Variants in TBC1D30 observed in about 807,000 individuals in gnomAD.
TBC1D30 encodes TBC1 domain family, member 30.
In TBC1D30, 31 loss-of-function variants were observed where a neutral mutation model predicts 63.2. The ratio of observed to expected loss-of-function variants is 0.49; its 90% CI spans 0.37 to 0.66. The LOEUF (loss-of-function observed/expected upper bound fraction) is 0.66, where lower values mean the gene tolerates loss of function less well. TBC1D30 is among the 30% of genes least tolerant of loss of function. The pLI is 0.00. For synonymous variants in TBC1D30, 307 were observed against 361.5 expected (o/e 0.85, Z 1.71); for missense variants, 810 against 953.6 (o/e 0.85, Z 1.98).
chr12:64,808,275 A>T (rs1217684745), intron 2 of TBC1D30, among the ~76,000 whole-genome samples: 1 of 152,124 alleles, frequency 6.6e-6, no homozygotes, highest in Non-Finnish European at 1.5e-5. Context: ...ATTCAGCTGA[A>T]GCACCATCCC....
At chr12:64,787,695 A>G (rs995479233) in intron 2 of TBC1D30, among the ~76,000 whole-genome samples, 9 of 152,140 alleles carry the variant, frequency 5.9e-5, no homozygotes, top group African/African-American at 2.2e-4. Flanking sequence ...TCCCTAAAGT[A>G]TTATTTATGC....
chr12:64,814,055 G>C (rs2136333952), intron 2 of TBC1D30, among the ~76,000 whole-genome samples: 1 of 152,152 alleles, frequency 6.6e-6, no homozygotes, highest in South Asian at 2.1e-4. Flanking sequence ...GTTAAGGAAG[G>C]TACTTTTTTT....
rs774145443 is a variant in TBC1D30, at chr12:64,807,918, G to GTTTTTTTTTTTTTTTTTTTTTTTTTTTT, written c.644-19900_644-19899insTTTTTTTTTTTTTTTTTTTTTTTTTTTT. On this transcript the variant is annotated intron_variant, in intron 2 of 12. Coordinates refer to the TBC1D30 transcript ENST00000542120. ...GCCCATGCCACCCTGCCTAATTTAA[G>GTTTTTTTTTTTTTTTTTTTTTTTTTTTT]TTTTTTTTTTTTTTTTTGTAGAGCT... 2.8e-4 allele frequency among the ~76,000 whole-genome samples: 26 copies of GTTTTTTTTTTTTTTTTTTTTTTTTTTTT among 93,500 alleles called. 2 individuals are homozygous for GTTTTTTTTTTTTTTTTTTTTTTTTTTTT. The highest frequency in any genetic ancestry group is 1.2e-3 in the African/African-American group (21 of 18,122). The allele number at this position is 93,500 out of a possible 152,430, so 61.3% of individuals were successfully genotyped here. A position where few individuals can be genotyped will look rare whatever the true frequency, so the allele number is the denominator to read the frequency against.
At chr12:64,769,967 C>T (rs1870847114) in intron 1 of TBC1D30, among the ~76,000 whole-genome samples, 1 of 152,118 alleles carries the variant, frequency 6.6e-6, no homozygotes, top group Admixed American at 6.5e-5. Flanking sequence ...TTTGACATTT[C>T]CAGTAACTTT....
intron 5 of TBC1D30, among the ~76,000 whole-genome samples, chr12:64,834,507 A>G (rs949400561): frequency 1.3e-5 from 2 of 151,226 alleles, no homozygotes; most frequent in Non-Finnish European, 2.9e-5. Flanking sequence ...TCCAGGTTCA[A>G]GCAATTCTCC....
At position 64,759,746 on chromosome 12, in the gene TBC1D30, G is replaced by A. The variant is rs572222520; in HGVS notation, c.-376+97G>A. 2.4e-5 allele frequency: 4 copies of A among 165,808 alleles called. No individual in the cohort carries two copies. In the South Asian group the frequency reaches 4.7e-4, roughly 20 times the overall value. The allele number at this position is 165,808 out of a possible 1,614,324, so 10.3% of individuals were successfully genotyped here. On this transcript the variant is annotated intron_variant, in intron 1 of 13. Coordinates refer to the TBC1D30 transcript ENST00000674237. ...GATTTAAATGGGGGGAAGAGAAGAT[G>A]AAAAGCAGGAAAGAGTTGGCAAATA...
chr12:64,809,297 T>G (rs1873066704), intron 2 of TBC1D30, among the ~76,000 whole-genome samples: 1 of 151,208 alleles, frequency 6.6e-6, no homozygotes. Context: ...ATCATTCTTT[T>G]GCCTTTGTGT....
chr12:64,870,989 G>T (rs1026907544), intron 11 of TBC1D30, among the ~76,000 whole-genome samples, 181 bp downstream of exon 11: 14 of 152,160 alleles, frequency 9.2e-5, no homozygotes, highest in Non-Finnish European at 2.9e-5. Flanking sequence ...AGGCTCTAAA[G>T]AAGAAAAAGA....
At chr12:64,861,602 A>G (rs1877797092) in intron 8 of TBC1D30, among the ~76,000 whole-genome samples, 1 of 152,012 alleles carries the variant, frequency 6.6e-6, no homozygotes. Flanking sequence ...TCTTATTAGC[A>G]ATGGTCATTT....
intron 6 of TBC1D30, 98 bp from the exon 7 acceptor site, chr12:64,838,585 C>G: frequency 1.7e-6 from 2 of 1,211,386 alleles, no homozygotes; most frequent in Non-Finnish European, 2.2e-6. Context: ...TCAGGAAATA[C>G]AACAAATTTG....
chr12:64,829,808 A>G (rs1874681327), intron 3 of TBC1D30, among the ~76,000 whole-genome samples: 1 of 152,232 alleles, frequency 6.6e-6, no homozygotes, highest in South Asian at 2.1e-4. Context: ...ATGAAATATA[A>G]CTTTCAGAAA....
At position 64,862,804 on chromosome 12, in the gene TBC1D30, G is replaced by A. The variant is rs139568009; in HGVS notation, c.1039-1864G>A. Among the ~76,000 whole-genome samples, 558 of 152,216 alleles carry A rather than the reference G, an allele frequency of 3.7e-3. 5 individuals are homozygous for A. The highest frequency in any genetic ancestry group is 0.013 in the African/African-American group (537 of 41,530). On this transcript the variant is annotated intron_variant, in intron 8 of 11. Coordinates refer to ENST00000539867, the MANE Select transcript of TBC1D30 (RefSeq NM_015279.2). ...GTCTGAACACATTTCTAAACTGTTA[G>A]GGAGGAAAAAAAATTACATGAATGA... is the stretch of plus-strand genomic sequence containing the variant.
chr12:64,848,330 T>C (rs1876569701), intron 8 of TBC1D30, among the ~76,000 whole-genome samples: 1 of 151,930 alleles, frequency 6.6e-6, no homozygotes, highest in Non-Finnish European at 1.5e-5. Flanking sequence ...AATGTGCAGG[T>C]TTGTTACATA....
At chr12:64,817,839 C>T (rs1050411114) in intron 2 of TBC1D30, among the ~76,000 whole-genome samples, 1 of 152,118 alleles carries the variant, frequency 6.6e-6, no homozygotes, top group Non-Finnish European at 1.5e-5. Context: ...AAGGCAGGCG[C>T]GTCATTTGAG....
In TBC1D30 at chr12:64,828,424, G is replaced by A. The variant is rs770949325; in HGVS notation, c.217-20G>A. 3 of 1,529,484 alleles carry A rather than the reference G, an allele frequency of 2.0e-6. No homozygotes were observed. Among genetic ancestry groups the A allele is most frequent in the Non-Finnish European group, 2.6e-6 (3 of 1,141,092 alleles). The allele number at this position is 1,529,484 out of a possible 1,614,324, so 94.7% of individuals were successfully genotyped here. A position where few individuals can be genotyped will look rare whatever the true frequency, so the allele number is the denominator to read the frequency against. On this transcript the variant is annotated intron_variant, in intron 2 of 11. Coordinates refer to ENST00000539867, the MANE Select transcript of TBC1D30 (RefSeq NM_015279.2). ...CTAGGTCACTGTGATCACCTCCTGGGATTTCTTCTTTGTTCCTAGTGGTAC... is the reference window on the plus strand; with the variant it reads ...CTAGGTCACTGTGATCACCTCCTGGAATTTCTTCTTTGTTCCTAGTGGTAC...
At chr12:64,783,326 A>C (rs998469726) in intron 1 of TBC1D30, among the ~76,000 whole-genome samples, 7 of 152,298 alleles carry the variant, frequency 4.6e-5, no homozygotes, top group African/African-American at 1.7e-4. Context: ...GACCTTGGAC[A>C]AGCTATTTAA....
At chr12:64,780,725 A>C in exon 1 of TBC1D30, 1 of 981,620 alleles carries the variant, frequency 1.0e-6, no homozygotes, top group Non-Finnish European at 1.2e-6. Context: ...ACCGGCGAGG[A>C]CGAAGCCGCG....
intron 2 of TBC1D30, among the ~76,000 whole-genome samples, chr12:64,797,921 T>A (rs1197691858): frequency 6.6e-6 from 1 of 152,194 alleles, no homozygotes; most frequent in African/African-American, 2.4e-5. Flanking sequence ...TCAACCAGTA[T>A]AGAAGCATGT....
chr12:64,775,715 GATC>G (rs926515467), upstream of TBC1D30, among the ~76,000 whole-genome samples: 1 of 152,142 alleles, frequency 6.6e-6, no homozygotes, highest in African/African-American at 2.4e-5. Context: ...ATATTAGACA[GATC>G]ATCAAGAAAG....
Sources: gnomAD v4.1 joint callset for allele counts (sites outside exome capture counted in the v4.1 genomes callset) on GRCh38, gnomAD v4.1.1 for gene constraint, MANE v1.5 for transcripts, NCBI Gene and HGNC (gene_info 2026-07-23, HGNC 2026-07-21) for gene names.